Variants in PARM1 observed in about 807,000 individuals in gnomAD.
PARM1 encodes prostate androgen-regulated mucin-like protein 1.
In PARM1, 14 loss-of-function variants were observed where a neutral mutation model predicts 24.6. The observed-to-expected ratio is 0.57, with a 90% confidence interval of 0.38 to 0.89. The LOEUF (loss-of-function observed/expected upper bound fraction) is 0.89, where lower values mean the gene tolerates loss of function less well. Among genes scored for constraint, PARM1 ranks in the 40% least tolerant of loss-of-function variants. The pLI is 0.00. For missense variants in PARM1, 362 were observed against 380.4 expected (o/e 0.95, Z 0.40); for synonymous variants, 179 against 156.6 (o/e 1.14, Z -1.07).
At chr4:74,986,079 A>T (rs1455618314) in intron 1 of PARM1, among the ~76,000 whole-genome samples, 1 of 152,030 alleles carries the variant, frequency 6.6e-6, no homozygotes, top group East Asian at 1.9e-4. Context: ...AGAATAATTC[A>T]TTGTTTTGTT....
chr4:74,947,415 T>C (rs1721432370), intron 1 of PARM1, among the ~76,000 whole-genome samples: 1 of 152,128 alleles, frequency 6.6e-6, no homozygotes, highest in Non-Finnish European at 1.5e-5. Context: ...ATTTATAAAC[T>C]AGAAAGAGAC....
chr4:75,037,700 G>T (rs1723399251), intron 3 of PARM1, among the ~76,000 whole-genome samples: 1 of 152,120 alleles, frequency 6.6e-6, no homozygotes, highest in Admixed American at 6.5e-5. Context: ...GTGGAGGGAA[G>T]AATGTGAGCT....
intron 2 of PARM1, among the ~76,000 whole-genome samples, chr4:75,015,346 T>C (rs2109796795): frequency 6.6e-6 from 1 of 152,296 alleles, no homozygotes; most frequent in Non-Finnish European, 1.5e-5. Flanking sequence ...TCATAAACCT[T>C]GAAGTTCATG....
intron 1 of PARM1, among the ~76,000 whole-genome samples, chr4:75,005,257 C>G (rs1187754019): frequency 6.6e-6 from 1 of 152,148 alleles, no homozygotes; most frequent in African/African-American, 2.4e-5. Context: ...CAGGAAAGGG[C>G]TTGACTGCAT....
chr4:74,940,434 T>C (rs1402895206), intron 1 of PARM1, among the ~76,000 whole-genome samples: 2 of 152,208 alleles, frequency 1.3e-5, no homozygotes, highest in Non-Finnish European at 2.9e-5. Context: ...CATCTGCAGG[T>C]TCTGCGTCTG....
rs1722913584 is a variant in PARM1 at position 75,013,115 on chromosome 4, T to C, written c.734T>C (p.Val245Ala). 6.2e-7 allele frequency: 1 copy of C among 1,613,802 alleles called. No homozygotes were observed. Among genetic ancestry groups the C allele is most frequent in the African/African-American group, 1.3e-5 (1 of 75,028 alleles). ...GAGACCACCACCACCTTTCCCAGGG[T>C]GATCATGCAGGAAGTAGAACATGCA... Reference protein sequence around the residue: ...DMETTTTFPRVIMQEVEHALS... With the variant: ...DMETTTTFPRAIMQEVEHALS... Residue 245 changes from valine to alanine, a missense_variant, in exon 2 of 4, where the codon GTG becomes GCG. Transcript: ENST00000307428.
chr4:75,008,529 G>A (rs1445650587), intron 1 of PARM1, among the ~76,000 whole-genome samples: 1 of 152,166 alleles, frequency 6.6e-6, no homozygotes, highest in African/African-American at 2.4e-5. Context: ...GGTATCTTGT[G>A]CATTCTTATT....
chr4:75,001,394 T>C (rs192363979), intron 1 of PARM1, among the ~76,000 whole-genome samples: 3 of 152,370 alleles, frequency 2.0e-5, no homozygotes, highest in Admixed American at 1.3e-4. Context: ...TCCATTTATA[T>C]GAAGTTCAGA....
At chr4:74,968,640 G>A (rs1423833585) in intron 1 of PARM1, among the ~76,000 whole-genome samples, 1 of 152,118 alleles carries the variant, frequency 6.6e-6, no homozygotes, top group African/African-American at 2.4e-5. Context: ...GGCAGTTTGG[G>A]GTCAGTTGTC....
chr4:75,041,388 T>G (rs1310289932), intron 3 of PARM1, among the ~76,000 whole-genome samples: 1 of 152,236 alleles, frequency 6.6e-6, no homozygotes, highest in African/African-American at 2.4e-5. Context: ...CTTAATCATC[T>G]TTGTATCCTT....
intron 1 of PARM1, among the ~76,000 whole-genome samples, chr4:75,000,350 C>T (rs1017868208): frequency 2.0e-5 from 3 of 152,152 alleles, no homozygotes; most frequent in African/African-American, 7.2e-5. Flanking sequence ...TGCCTTAGCT[C>T]ACAAGGTATA....
chr4:75,024,732 C>T (rs1723151424), intron 2 of PARM1, among the ~76,000 whole-genome samples: 1 of 152,172 alleles, frequency 6.6e-6, no homozygotes, highest in Non-Finnish European at 1.5e-5. Context: ...TTTGCTCACT[C>T]TCGTCGCCCA....
intron 1 of PARM1, among the ~76,000 whole-genome samples, chr4:74,992,510 A>G (rs1432076839): frequency 1.3e-5 from 2 of 152,068 alleles, no homozygotes; most frequent in African/African-American, 4.8e-5. Context: ...ATTCAAATAA[A>G]AGAAACATGA....
intron 1 of PARM1, among the ~76,000 whole-genome samples, chr4:74,962,232 T>C (rs1303665296): frequency 6.6e-6 from 1 of 152,124 alleles, no homozygotes; most frequent in Admixed American, 6.6e-5. Context: ...AAATTCAAAT[T>C]AGAATGTGAT....
chr4:75,042,566 T>A (rs1383870222), intron 3 of PARM1, among the ~76,000 whole-genome samples: 2 of 152,114 alleles, frequency 1.3e-5, no homozygotes, highest in African/African-American at 2.4e-5. Flanking sequence ...TTGCTTTGTT[T>A]TTTGGTTTCT....
At chr4:74,948,648 G>A (rs1721451854) in intron 1 of PARM1, among the ~76,000 whole-genome samples, 1 of 152,176 alleles carries the variant, frequency 6.6e-6, no homozygotes. Context: ...AAGACACAGA[G>A]GAAACACAGG....
intron 2 of PARM1, among the ~76,000 whole-genome samples, chr4:75,030,134 G>C (rs1344539377): frequency 6.6e-6 from 1 of 152,128 alleles, no homozygotes; most frequent in Non-Finnish European, 1.5e-5. Context: ...TTTACCCAGG[G>C]GTGTCAGGGA....
At chr4:75,003,930 G>A (rs1465099664) in intron 1 of PARM1, among the ~76,000 whole-genome samples, 9 of 152,078 alleles carry the variant, frequency 5.9e-5, no homozygotes, top group Non-Finnish European at 8.8e-5. Context: ...TTCATTCAAT[G>A]TAAAGATGTT....
chr4:74,971,464 T>C (rs1211490982), intron 1 of PARM1, among the ~76,000 whole-genome samples: 1 of 152,182 alleles, frequency 6.6e-6, no homozygotes, highest in Non-Finnish European at 1.5e-5. Flanking sequence ...TTTTAAGCTT[T>C]TGTTTTTGCT....
Sources: allele counts gnomAD v4.1 joint callset (sites outside exome capture counted in the v4.1 genomes callset), GRCh38; gene constraint gnomAD v4.1.1; transcripts MANE v1.5; gene names NCBI Gene and HGNC (gene_info 2026-07-23, HGNC 2026-07-21).